TRHDE: variants seen among roughly 807,000 people sequenced by gnomAD.
TRHDE encodes the protein thyrotropin-releasing hormone-degrading ectoenzyme.
Under a neutral mutation model 125.7 loss-of-function variants are expected in TRHDE, and 72 were observed. The observed-to-expected ratio is 0.57, with a 90% CI of 0.47 to 0.70. The LOEUF (loss-of-function observed/expected upper bound fraction) is 0.70, where lower values mean the gene tolerates loss of function less well. Ranked by LOEUF, TRHDE falls within the 30% of genes least tolerant of loss-of-function variation. The pLI is 0.00. For missense variants in TRHDE, 1,110 were observed against 1,327.1 expected, an observed-to-expected ratio of 0.84 and a Z score of 2.54; for synonymous variants, 509 against 509.1, an observed-to-expected ratio of 1.00 and a Z score of 0.00.
At chr12:72,113,507 C>T (rs987757004) in intron 2 of TRHDE, among the ~76,000 whole-genome samples, 7 of 151,812 alleles carry the variant, frequency 4.6e-5, no homozygotes, top group Non-Finnish European at 8.8e-5. Context: ...TATGTTTCTC[C>T]GATTGGTCTC....
intron 2 of TRHDE, among the ~76,000 whole-genome samples, chr12:72,115,364 C>T (rs1265127766): frequency 4.6e-5 from 7 of 151,944 alleles, no homozygotes; most frequent in African/African-American, 1.7e-4. Flanking sequence ...CATGTTGTTG[C>T]AAATAACAGG....
chr12:72,162,546 G>T (rs1409623550), intron 2 of TRHDE, among the ~76,000 whole-genome samples: 1 of 152,154 alleles, frequency 6.6e-6, no homozygotes, highest in African/African-American at 2.4e-5. Flanking sequence ...GTTTCTGAGG[G>T]CTAGAAGTTG....
intron 1 of TRHDE, among the ~76,000 whole-genome samples, chr12:72,286,281 T>A (rs1350648628): frequency 1.3e-5 from 2 of 152,236 alleles, no homozygotes; most frequent in East Asian, 1.9e-4. Flanking sequence ...TATCTGAGGA[T>A]AATTTTTGGA....
intron 1 of TRHDE, among the ~76,000 whole-genome samples, chr12:72,281,691 G>A (rs910105240): frequency 2.1e-4 from 32 of 152,188 alleles, no homozygotes; most frequent in Admixed American, 5.9e-4. Flanking sequence ...TTATGCAAAT[G>A]TTTGTTTCCT....
chr12:72,620,808 T>C (rs777274205), intron 13 of TRHDE, among the ~76,000 whole-genome samples: 1 of 152,128 alleles, frequency 6.6e-6, no homozygotes, highest in Non-Finnish European at 1.5e-5. Flanking sequence ...ATCAATATTC[T>C]TTGTTTTCCT....
At chr12:72,378,636 A>G (rs2135776324) in intron 3 of TRHDE, among the ~76,000 whole-genome samples, 1 of 152,320 alleles carries the variant, frequency 6.6e-6, no homozygotes, top group African/African-American at 2.4e-5. Context: ...TTCACATGTC[A>G]GACCTCGATG....
At chr12:72,118,122 A>G (rs905092655) in intron 2 of TRHDE, among the ~76,000 whole-genome samples, 1 of 152,084 alleles carries the variant, frequency 6.6e-6, no homozygotes, top group Non-Finnish European at 1.5e-5. Context: ...CAGTGGTGAA[A>G]GTGGGCATCC....
intron 6 of TRHDE, among the ~76,000 whole-genome samples, chr12:72,505,125 C>G (rs1332485774): frequency 6.6e-6 from 1 of 152,116 alleles, no homozygotes; most frequent in African/African-American, 2.4e-5. Context: ...AATTTAAGAG[C>G]TGACTGCCTT....
intron 6 of TRHDE, among the ~76,000 whole-genome samples, chr12:72,521,775 T>C (rs1371580937): frequency 6.6e-6 from 1 of 152,210 alleles, no homozygotes. Flanking sequence ...TAATTTTCCT[T>C]CTGGAAGGGG....
chr12:72,512,438 T>TA (rs35695008), intron 6 of TRHDE, among the ~76,000 whole-genome samples: 54,071 of 138,230 alleles, frequency 0.39, 12,684 homozygotes, highest in African/African-American at 0.65. Context: ...TTATATAATA[T>TA]GTTATAATTA....
chr12:72,363,430 G>A (rs1423359483), intron 2 of TRHDE, among the ~76,000 whole-genome samples: 1 of 151,912 alleles, frequency 6.6e-6, no homozygotes, highest in Admixed American at 6.6e-5. Flanking sequence ...CCATGATCAA[G>A]TGGGCTTCAT....
chr12:72,189,000 G>T (rs569305747), intron 2 of TRHDE, among the ~76,000 whole-genome samples: 1 of 152,120 alleles, frequency 6.6e-6, no homozygotes, highest in African/African-American at 2.4e-5. Context: ...CTCATTTTCT[G>T]TCCTCTCAGA....
rs575432183 is a variant in TRHDE at position 72,254,475 on chromosome 12, C to T, written n.280-123520C>T. On this transcript the variant is annotated intron_variant and non_coding_transcript_variant, in intron 2 of 4. Transcript: ENST00000548156. ...TACCAATATAATATGAGCATTTAGGCCCAACAGTCCTAAGGGCCAGCATTT... is the reference window on the plus strand; with the variant it reads ...TACCAATATAATATGAGCATTTAGGTCCAACAGTCCTAAGGGCCAGCATTT... 33 of 152,226 alleles carry T rather than the reference C, an allele frequency of 2.2e-4. No individual in the cohort carries two copies. The East Asian group carries it at 2.3e-3, about 11-fold the overall frequency. 9.4% of individuals were successfully genotyped at this position (152,226 alleles called of 1,614,324 possible).
chr12:72,472,244 TTATC>T (rs930492480), intron 4 of TRHDE, among the ~76,000 whole-genome samples: 8 of 152,144 alleles, frequency 5.3e-5, no homozygotes, highest in African/African-American at 1.9e-4. Context: ...AGGAGGAACA[TTATC>T]TAACTTTTCT....
At position 72,162,353 on chromosome 12, in the gene TRHDE, T is replaced by A. The variant is rs139520002; in HGVS notation, n.279+56601T>A. On this transcript the variant is annotated intron_variant and non_coding_transcript_variant, in intron 2 of 4. Coordinates refer to the TRHDE transcript ENST00000548156. ...ATGGTTCTGGAGCCAGCATATTAAGTGGTGACCTCCTAATGTGGAGATGGT... is the reference window on the plus strand; with the variant it reads ...ATGGTTCTGGAGCCAGCATATTAAGAGGTGACCTCCTAATGTGGAGATGGT... Among the ~76,000 whole-genome samples the A allele has an allele frequency of 6.3e-4, 96 of 152,262 alleles. 1 individual carries two copies. The East Asian group carries it at 0.016, about 26-fold the overall frequency.
intron 2 of TRHDE, among the ~76,000 whole-genome samples, chr12:72,262,284 G>A (rs1326658387): frequency 3.3e-5 from 5 of 152,080 alleles, no homozygotes; most frequent in African/African-American, 4.8e-5. Context: ...TTATAAGGTC[G>A]CTAAGACTTG....
At chr12:72,189,361 A>C (rs778971779) in intron 2 of TRHDE, among the ~76,000 whole-genome samples, 1 of 152,210 alleles carries the variant, frequency 6.6e-6, no homozygotes, top group East Asian at 1.9e-4. Flanking sequence ...AGGCTTTTCT[A>C]TTCAGAGAAA....
At chr12:72,424,205 G>A (rs900295888) in intron 3 of TRHDE, among the ~76,000 whole-genome samples, 1 of 152,106 alleles carries the variant, frequency 6.6e-6, no homozygotes, top group Non-Finnish European at 1.5e-5. Flanking sequence ...CTGGCTTCTG[G>A]TGGTGGCCAT....
At chr12:72,213,073 A>G (rs548008480) in intron 2 of TRHDE, among the ~76,000 whole-genome samples, 3 of 152,290 alleles carry the variant, frequency 2.0e-5, no homozygotes, top group Admixed American at 2.0e-4. Flanking sequence ...ATGAAAGAAG[A>G]TAGTCACAAA....
Sources: allele counts gnomAD v4.1 joint callset (sites outside exome capture counted in the v4.1 genomes callset), GRCh38; gene constraint gnomAD v4.1.1; transcripts MANE v1.5; gene names NCBI Gene and HGNC (gene_info 2026-07-23, HGNC 2026-07-21).